FNBP1L: variants seen among roughly 807,000 people sequenced by gnomAD.
The protein encoded by FNBP1L is formin-binding protein 1-like.
FNBP1L carries 36 observed loss-of-function variants against 91.2 expected under a neutral mutation model. That is an observed-to-expected ratio of 0.39 (90% CI 0.30 to 0.52). FNBP1L has a LOEUF of 0.52. Among genes scored for constraint, FNBP1L ranks in the 20% least tolerant of loss-of-function variants. FNBP1L has a pLI of 0.66. For missense variants in FNBP1L, 571 were observed against 732.1 expected (o/e 0.78, Z 2.54); for synonymous variants, 242 against 237.0 (o/e 1.02, Z -0.19).
intron 1 of FNBP1L, among the ~76,000 whole-genome samples, chr1:93,484,993 T>C (rs1440867120): frequency 6.6e-6 from 1 of 151,930 alleles, no homozygotes; most frequent in Non-Finnish European, 1.5e-5. Context: ...TCTCTACAAA[T>C]AAAATTAATT....
chr1:93,530,419 G>A (rs547123079), intron 6 of FNBP1L, among the ~76,000 whole-genome samples: 3 of 152,008 alleles, frequency 2.0e-5, no homozygotes, highest in Non-Finnish European at 4.4e-5. Context: ...ACTGTTTCAA[G>A]CTATAATGTT....
At chr1:93,474,975 G>C (rs1570778974) in intron 1 of FNBP1L, among the ~76,000 whole-genome samples, 1 of 152,118 alleles carries the variant, frequency 6.6e-6, no homozygotes, top group African/African-American at 2.4e-5. Flanking sequence ...GTAGCACTGT[G>C]TCATGATAAC....
In FNBP1L at chr1:93,545,165, C is replaced by T. The variant is rs532692120; in HGVS notation, c.1274+949C>T. 2.0e-5 allele frequency among the ~76,000 whole-genome samples: 3 copies of T among 152,118 alleles called. No homozygotes were observed. The South Asian group carries it at 6.2e-4, about 32-fold the overall frequency. ...TAGAATTTTCTCTGTAAGGTACAGC[C>T]TTCTTGTGCTTCAGAACACTAGACA... On this transcript the variant is annotated intron_variant, in intron 12 of 16. Transcript: ENST00000271234.
At chr1:93,476,564 G>C (rs1669502777) in intron 1 of FNBP1L, among the ~76,000 whole-genome samples, 1 of 152,078 alleles carries the variant, frequency 6.6e-6, no homozygotes, top group African/African-American at 2.4e-5. Flanking sequence ...GCATAGAGGG[G>C]TAAGTAAGTA....
chr1:93,528,520 T>TAC (rs1312285282), intron 5 of FNBP1L, among the ~76,000 whole-genome samples: 6 of 152,188 alleles, frequency 3.9e-5, no homozygotes, highest in Non-Finnish European at 8.8e-5. Flanking sequence ...GGAGATTCAG[T>TAC]TATCTCCTGC....
At chr1:93,486,196 T>G (rs1669894678) in intron 1 of FNBP1L, among the ~76,000 whole-genome samples, 1 of 152,212 alleles carries the variant, frequency 6.6e-6, no homozygotes. Flanking sequence ...TGGAAAATGT[T>G]AGCCTACTGT....
chr1:93,536,647 C>G (rs886699906), intron 10 of FNBP1L, among the ~76,000 whole-genome samples, 157 bp downstream of exon 10: 2 of 152,038 alleles, frequency 1.3e-5, no homozygotes, highest in Admixed American at 6.6e-5. Context: ...AAAAACAACT[C>G]CTCTTTATAA....
chr1:93,448,419 G>A, intron 1 of FNBP1L, 114 bp downstream of exon 1: 1 of 1,183,216 alleles, frequency 8.5e-7, no homozygotes, highest in Non-Finnish European at 1.1e-6. Context: ...TCGGTCCGGC[G>A]CTGGCGGAGG....
intron 1 of FNBP1L, among the ~76,000 whole-genome samples, chr1:93,452,538 T>A (rs914766858): frequency 3.3e-5 from 5 of 152,178 alleles, no homozygotes; most frequent in African/African-American, 1.2e-4. Flanking sequence ...CATTAATAGA[T>A]TTATCTGTAA....
At chr1:93,542,689 A>G (rs1672087337) in intron 11 of FNBP1L, among the ~76,000 whole-genome samples, 1 of 151,974 alleles carries the variant, frequency 6.6e-6, no homozygotes, top group African/African-American at 2.4e-5. Context: ...AAGTGGCCCA[A>G]AGAGCAAGAT....
intron 1 of FNBP1L, among the ~76,000 whole-genome samples, chr1:93,457,580 A>C (rs1347880214): frequency 1.3e-5 from 2 of 151,984 alleles, no homozygotes; most frequent in African/African-American, 4.8e-5. Context: ...AGAGTAGCTT[A>C]TGTGCTCTTT....
At chr1:93,545,103 C>T (rs1408152301) in intron 12 of FNBP1L, among the ~76,000 whole-genome samples, 5 of 152,146 alleles carry the variant, frequency 3.3e-5, no homozygotes, top group Non-Finnish European at 7.4e-5. Flanking sequence ...TTTCTAATAG[C>T]ACTGTAACTC....
chr1:93,477,545 G>A lies in FNBP1L; in HGVS notation c.25-21923G>A, dbSNP rs539435626. Among the ~76,000 whole-genome samples the A allele has an allele frequency of 1.1e-4, 17 of 152,274 alleles. No homozygotes were observed. In the East Asian group the frequency reaches 3.3e-3, roughly 29 times the overall value. Reference sequence around the variant, plus strand: ...TTTCGGGTGCACTTGATGCTGTAAAGCTCTTCTATTTCTCATTAGACCTTT... The same window carrying A: ...TTTCGGGTGCACTTGATGCTGTAAAACTCTTCTATTTCTCATTAGACCTTT... On this transcript the variant is annotated intron_variant, in intron 1 of 16. Coordinates refer to ENST00000271234, the MANE Select transcript of FNBP1L (RefSeq NM_001164473.3).
At chr1:93,511,737 C>T (rs1249089536) in intron 2 of FNBP1L, among the ~76,000 whole-genome samples, 2 of 152,144 alleles carry the variant, frequency 1.3e-5, no homozygotes, top group East Asian at 1.9e-4. Context: ...GAGGCCGAGG[C>T]GGGCGGATCA....
At position 93,448,204 on chromosome 1, in the gene FNBP1L, C is replaced by T; in HGVS notation, c.-78C>T. 1 of 1,500,670 alleles carries T rather than the reference C, an allele frequency of 6.7e-7. No individual in the cohort carries two copies. Among genetic ancestry groups the T allele is most frequent in the South Asian group, 1.2e-5 (1 of 80,566 alleles). 93.0% of individuals were successfully genotyped at this position (1,500,670 alleles called of 1,614,324 possible). On this transcript the variant is annotated 5_prime_UTR_variant, in exon 1 of 17. Coordinates refer to ENST00000271234, the MANE Select transcript of FNBP1L (RefSeq NM_001164473.3). ...GCTGAGCTGCTAGCCCGCCGGCCAGCGAGTGAGAGGTCGGACAGACTGTGG... is the reference window on the plus strand; with the variant it reads ...GCTGAGCTGCTAGCCCGCCGGCCAGTGAGTGAGAGGTCGGACAGACTGTGG...
intron 12 of FNBP1L, among the ~76,000 whole-genome samples, chr1:93,546,044 A>T (rs1331947798): frequency 2.0e-5 from 3 of 152,124 alleles, no homozygotes; most frequent in Admixed American, 6.6e-5. Flanking sequence ...TTTGAAAATC[A>T]TCTGAAGATG....
chr1:93,546,687 AAAT>A (rs1672250940), intron 12 of FNBP1L, among the ~76,000 whole-genome samples, 152 bp from the exon 13 acceptor site: 1 of 152,166 alleles, frequency 6.6e-6, no homozygotes, highest in Non-Finnish European at 1.5e-5. Context: ...ACCTTTATGC[AAAT>A]TGTCTTTAAT....
intron 5 of FNBP1L, among the ~76,000 whole-genome samples, chr1:93,527,397 C>G (rs1272559415): frequency 6.6e-6 from 1 of 151,972 alleles, no homozygotes; most frequent in African/African-American, 2.4e-5. Context: ...GTTTCCTGGA[C>G]CTGGTACTTG....
intron 2 of FNBP1L, among the ~76,000 whole-genome samples, chr1:93,516,050 A>G (rs1452595294): frequency 6.6e-6 from 1 of 152,202 alleles, no homozygotes; most frequent in Non-Finnish European, 1.5e-5. Context: ...AACTCAGTAT[A>G]TGTAGACTCC....
Sources: allele counts gnomAD v4.1 joint callset (sites outside exome capture counted in the v4.1 genomes callset), GRCh38; gene constraint gnomAD v4.1.1; transcripts MANE v1.5; gene names NCBI Gene and HGNC (gene_info 2026-07-23, HGNC 2026-07-21).